Variants in TNRC6B observed in about 807,000 individuals in gnomAD.
TNRC6B encodes trinucleotide repeat containing adaptor 6B.
A neutral mutation model predicts 203.6 loss-of-function variants in TNRC6B; 52 were observed. The observed-to-expected ratio is 0.26, with a 90% CI of 0.20 to 0.32. TNRC6B has a LOEUF of 0.32. Ranked by LOEUF, TNRC6B falls within the 10% of genes least tolerant of loss-of-function variation. TNRC6B has a pLI of 1.00. For synonymous variants in TNRC6B, 838 were observed against 845.7 expected (o/e 0.99, Z 0.16); for missense variants, 1,923 against 2,286.2 (o/e 0.84, Z 3.24).
chr22:40,151,495 A>G (rs1415531383), intron 3 of TNRC6B, among the ~76,000 whole-genome samples: 2 of 147,940 alleles, frequency 1.4e-5, no homozygotes, highest in South Asian at 2.1e-4. Flanking sequence ...AGCTGAGATC[A>G]TGCTACTACA....
chr22:40,202,985 G>T (rs1195434516), intron 1 of TNRC6B, among the ~76,000 whole-genome samples: 4 of 152,228 alleles, frequency 2.6e-5, no homozygotes, highest in African/African-American at 9.6e-5. Flanking sequence ...GAGGACTTCA[G>T]GCCATTGTCT....
intron 1 of TNRC6B, chr22:40,107,024 C>T: frequency 9.4e-7 from 1 of 1,062,728 alleles, no homozygotes; most frequent in Non-Finnish European, 1.4e-6. Flanking sequence ...GGATTTCTGG[C>T]ACAGCAGGAA....
intron 1 of TNRC6B, among the ~76,000 whole-genome samples, chr22:40,074,554 G>A (rs888471301): frequency 6.6e-5 from 10 of 152,048 alleles, no homozygotes; most frequent in African/African-American, 2.2e-4. Context: ...CAAGGCAGGT[G>A]GATCATGAGG....
chr22:40,045,240 C>T (rs1601780370), intron 1 of TNRC6B, among the ~76,000 whole-genome samples: 1 of 143,428 alleles, frequency 7.0e-6, no homozygotes. Context: ...GCGCGCGCTC[C>T]GCGGGAGCGG....
chr22:40,310,773 C>T (rs377637134), intron 16 of TNRC6B, 44 bp from the exon 17 acceptor site: 96 of 1,560,496 alleles, frequency 6.2e-5, no homozygotes, highest in Non-Finnish European at 7.6e-5. Context: ...AAGTTCTATT[C>T]ATAGGAGTTA....
chr22:40,183,580 G>T (rs1369364385), intron 1 of TNRC6B, among the ~76,000 whole-genome samples: 1 of 152,116 alleles, frequency 6.6e-6, no homozygotes, highest in African/African-American at 2.4e-5. Flanking sequence ...AAATGAATTG[G>T]TCTTAGAGTT....
chr22:40,107,801 T>C (rs1383668484), intron 1 of TNRC6B, among the ~76,000 whole-genome samples: 1 of 152,028 alleles, frequency 6.6e-6, no homozygotes, highest in African/African-American at 2.4e-5. Flanking sequence ...CCCCTTTCTC[T>C]GTTTATCCAT....
intron 1 of TNRC6B, among the ~76,000 whole-genome samples, chr22:40,213,280 G>A (rs1675923470): frequency 6.6e-6 from 1 of 152,152 alleles, no homozygotes; most frequent in Admixed American, 6.5e-5. Flanking sequence ...AAGAGCACAT[G>A]GTGAAGGGAC....
At chr22:40,284,699 G>A (rs2070760596) in intron 11 of TNRC6B, among the ~76,000 whole-genome samples, 1 of 152,246 alleles carries the variant, frequency 6.6e-6, no homozygotes, top group Admixed American at 6.5e-5. Context: ...GGTGGGCCCA[G>A]TTAATCTGAA....
intron 3 of TNRC6B, among the ~76,000 whole-genome samples, chr22:40,148,616 A>C (rs546215275): frequency 1.1e-4 from 12 of 110,578 alleles, no homozygotes; most frequent in African/African-American, 4.7e-4. Context: ...AAAACATGTA[A>C]CTACCATGTG....
At chr22:40,264,593 T>C in intron 4 of TNRC6B, 95 bp from the exon 5 acceptor site, 3 of 1,358,406 alleles carry the variant, frequency 2.2e-6, no homozygotes, top group Non-Finnish European at 2.9e-6. Flanking sequence ...TGATCAGCTC[T>C]CCTAAGGGCA....
intron 1 of TNRC6B, among the ~76,000 whole-genome samples, chr22:40,077,805 T>C (rs1212970264): frequency 6.6e-6 from 1 of 152,164 alleles, no homozygotes; most frequent in African/African-American, 2.4e-5. Flanking sequence ...GGAGAAGTTT[T>C]TTCATGTCAG....
chr22:40,062,650 T>C (rs946605980), intron 1 of TNRC6B, among the ~76,000 whole-genome samples: 1 of 152,226 alleles, frequency 6.6e-6, no homozygotes, highest in Non-Finnish European at 1.5e-5. Context: ...CTGGCACTTT[T>C]ATTGTCAGCT....
chr22:40,082,222 C>T (rs1386615876), intron 1 of TNRC6B, among the ~76,000 whole-genome samples: 1 of 151,990 alleles, frequency 6.6e-6, no homozygotes, highest in Non-Finnish European at 1.5e-5. Flanking sequence ...ATGTTATATG[C>T]TATGAAGAAA....
At chr22:40,294,828 G>A (rs936282555) in intron 12 of TNRC6B, among the ~76,000 whole-genome samples, 7 of 152,206 alleles carry the variant, frequency 4.6e-5, no homozygotes, top group Non-Finnish European at 5.9e-5. Context: ...AGATGAAGAG[G>A]AGTTGTTATC....
At chr22:40,114,798 C>G (rs1477058560) in intron 1 of TNRC6B, among the ~76,000 whole-genome samples, 1 of 152,124 alleles carries the variant, frequency 6.6e-6, no homozygotes, top group Non-Finnish European at 1.5e-5. Context: ...GCAGCTGTAC[C>G]TGATCAGATG....
At chr22:40,046,268 G>C (rs933023017) in intron 1 of TNRC6B, among the ~76,000 whole-genome samples, 6 of 152,222 alleles carry the variant, frequency 3.9e-5, no homozygotes, top group African/African-American at 1.4e-4. Flanking sequence ...GTAGTGTTGT[G>C]TAAATGCCTC....
chr22:40,227,549 C>T (rs1378069077), intron 1 of TNRC6B, among the ~76,000 whole-genome samples: 1 of 151,668 alleles, frequency 6.6e-6, no homozygotes, highest in East Asian at 1.9e-4. Flanking sequence ...TGAGGTTTCA[C>T]CATGTTGGCC....
At chr22:40,152,502 G>A (rs1208724651) in intron 3 of TNRC6B, among the ~76,000 whole-genome samples, 1 of 152,024 alleles carries the variant, frequency 6.6e-6, no homozygotes, top group Non-Finnish European at 1.5e-5. Flanking sequence ...AATTTTTTTT[G>A]TATTTTTAGT....
Sources: gnomAD v4.1 joint callset for allele counts (sites outside exome capture counted in the v4.1 genomes callset) on GRCh38, gnomAD v4.1.1 for gene constraint, MANE v1.5 for transcripts, NCBI Gene and HGNC (gene_info 2026-07-23, HGNC 2026-07-21) for gene names.